The following EMILIN2 variants were observed in gnomAD, a reference collection of about 807,000 sequenced individuals.
EMILIN2 encodes elastin microfibril interfacer 2.
In EMILIN2, 71 loss-of-function variants were observed where a neutral mutation model predicts 87.1. The ratio of observed to expected loss-of-function variants is 0.82; its 90% CI spans 0.67 to 0.99. The LOEUF is 0.99. Among genes scored for constraint, EMILIN2 ranks in the 50% least tolerant of loss-of-function variants. The pLI is 0.00. For missense variants in EMILIN2, 1,407 were observed against 1,371.8 expected (o/e 1.03, Z -0.40); for synonymous variants, 581 against 563.4 (o/e 1.03, Z -0.44).
At position 2,906,894 on chromosome 18, in the gene EMILIN2, C is replaced by G; in HGVS notation, c.2471C>G (p.Pro824Arg). ...ACCGCAGAGGACCCTGGGCGACGGC[C>G]CGTCCTGCCCCAGCGGCCCCCCGAG... Reference protein sequence around the residue: ...PATAEDPGRRPVLPQRPPEER... With the variant: ...PATAEDPGRRRVLPQRPPEER... The change falls in exon 5 of 8, where the codon CCC (proline) becomes CGC (arginine). Residue 824 changes from proline (P) to arginine (R), a missense_variant. Physicochemically the swap from Pro to Arg is moderately radical, Grantham distance 103. Coordinates refer to ENST00000254528, the MANE Select transcript of EMILIN2 (RefSeq NM_032048.3). The G allele has an allele frequency of 7.2e-7, 1 of 1,388,636 alleles. No individual in the cohort carries two copies. Among genetic ancestry groups the G allele is most frequent in the Non-Finnish European group, 9.4e-7 (1 of 1,069,322 alleles). The allele number at this position is 1,388,636 out of a possible 1,614,324, so 86.0% of individuals were successfully genotyped here.
In EMILIN2 at chr18:2,891,364, GACCAGAA is replaced by G; in HGVS notation, c.1239_1245del (p.Asp413GlufsTer12). 2 of 1,614,194 alleles carry G rather than the reference GACCAGAA, an allele frequency of 1.2e-6. No individual in the cohort carries two copies. Among genetic ancestry groups the G allele is most frequent in the Non-Finnish European group, 1.7e-6 (2 of 1,180,046 alleles). ...CATTGGTCAACAGATCAAGACATTG[GACCAGAA>G]AATCGAGAGAGTTGCTGAAGCCACC... On this transcript the variant is annotated frameshift_variant, in exon 4 of 8. Coordinates refer to ENST00000254528, the MANE Select transcript of EMILIN2 (RefSeq NM_032048.3). LOFTEE classifies it high-confidence loss of function. The surrounding 1 kb of genome is among the most constrained non-coding windows in gnomAD (Gnocchi z 4.6).
intron 4 of EMILIN2, among the ~76,000 whole-genome samples, chr18:2,902,518 C>G (rs1347105533): frequency 6.6e-6 from 1 of 152,078 alleles, no homozygotes; most frequent in East Asian, 1.9e-4. Context: ...TGCCGTTTGT[C>G]TCAGTGAGGG....
intron 3 of EMILIN2, among the ~76,000 whole-genome samples, chr18:2,887,890 C>T (rs1185796900): frequency 1.3e-5 from 2 of 152,176 alleles, no homozygotes; most frequent in Non-Finnish European, 2.9e-5. Context: ...CAACCTTGGA[C>T]TCCTGGACTC....
chr18:2,876,569 A>G (rs2076749085), intron 2 of EMILIN2, among the ~76,000 whole-genome samples: 1 of 143,106 alleles, frequency 7.0e-6, no homozygotes, highest in South Asian at 2.8e-4. Flanking sequence ...GATCGAGACC[A>G]TCCTGGCTAA....
At chr18:2,877,771 C>A (rs542238738) in intron 2 of EMILIN2, among the ~76,000 whole-genome samples, 66 of 148,734 alleles carry the variant, frequency 4.4e-4, no homozygotes, top group African/African-American at 1.5e-3. Flanking sequence ...GACTGACATT[C>A]CATCTCAAAA....
At chr18:2,912,950 G>A in intron 7 of EMILIN2, 117 bp from the exon 8 acceptor site, 2 of 1,079,788 alleles carry the variant, frequency 1.9e-6, no homozygotes, top group East Asian at 2.5e-5. Flanking sequence ...AGCTACCATG[G>A]GAAGACAGAG....
intron 2 of EMILIN2, among the ~76,000 whole-genome samples, chr18:2,874,717 A>G (rs780224501): frequency 4.1e-4 from 62 of 152,262 alleles, no homozygotes; most frequent in African/African-American, 1.4e-3. Context: ...TTTTCCTTCC[A>G]TATGGTCATA....
Position 2,885,112 on chromosome 18 carries a change from C to T in EMILIN2, c.406C>T (p.Pro136Ser), listed in dbSNP as rs35201788. 3,239 of 1,609,258 alleles carry T rather than the reference C, an allele frequency of 2.0e-3. 70 individuals are homozygous for T. The African/African-American group carries it at 0.036, about 18-fold the overall frequency. The change falls in exon 3 of 8, where the codon CCT becomes TCT. Residue 136 changes from proline (P) to serine (S), a missense_variant. By Grantham distance (74) the Pro-to-Ser change is moderately conservative. Transcript: ENST00000254528. ...VKTLRPTPAR[P>S]RNSLKKATDN... ...GACCCTCCGCCCCACGCCGGCTCGG[C>T]CTCGAAACAGCTTGAAGAAAGCCAC... is the stretch of plus-strand genomic sequence containing the variant.
intron 2 of EMILIN2, among the ~76,000 whole-genome samples, chr18:2,868,722 C>T (rs536934817): frequency 1.2e-3 from 183 of 152,312 alleles, no homozygotes; most frequent in East Asian, 8.9e-3. Flanking sequence ...GGCAGGGAGG[C>T]TGCAGTGAGC....
intron 2 of EMILIN2, among the ~76,000 whole-genome samples, chr18:2,874,843 T>C (rs1346009713): frequency 6.6e-6 from 1 of 152,234 alleles, no homozygotes; most frequent in African/African-American, 2.4e-5. Context: ...ACTCTTAATG[T>C]CTCCAGATTT....
chr18:2,905,261 C>A (rs2076904596), intron 4 of EMILIN2, among the ~76,000 whole-genome samples: 1 of 118,876 alleles, frequency 8.4e-6, no homozygotes, highest in Admixed American at 1.2e-4. Flanking sequence ...GAAACTGCCT[C>A]TCTCAGGGTG....
At chr18:2,893,503 A>ATG (rs1269649548) in intron 4 of EMILIN2, among the ~76,000 whole-genome samples, 1 of 152,158 alleles carries the variant, frequency 6.6e-6, no homozygotes, top group African/African-American at 2.4e-5. Context: ...CACTCAACAA[A>ATG]TGTTTGTTGA....
In EMILIN2 at chr18:2,913,130, A is replaced by T; in HGVS notation, c.2888A>T (p.Asp963Val). The T allele has an allele frequency of 6.2e-7, 1 of 1,613,406 alleles. No homozygotes were observed. Among genetic ancestry groups the T allele is most frequent in the Non-Finnish European group, 8.5e-7 (1 of 1,179,934 alleles). Residue 963 changes from aspartate (D) to valine (V), a missense_variant, in exon 8 of 8, where the codon GAC becomes GTC. Coordinates refer to ENST00000254528, the MANE Select transcript of EMILIN2 (RefSeq NM_032048.3). ...LITATLTPER[D>V]AYVEAVLSVS... ...ACGGCCACCCTCACCCCCGAGAGAG[A>T]CGCCTACGTGGAAGCAGTGCTGTCG...
chr18:2,908,042 A>G (rs2076923067), intron 5 of EMILIN2, among the ~76,000 whole-genome samples: 2 of 152,350 alleles, frequency 1.3e-5, no homozygotes, highest in South Asian at 4.1e-4. Flanking sequence ...TGAGAAGACA[A>G]GGAGACATTT....
chr18:2,908,028 C>G (rs956410585), intron 5 of EMILIN2, among the ~76,000 whole-genome samples: 2 of 152,236 alleles, frequency 1.3e-5, no homozygotes, highest in African/African-American at 4.8e-5. Context: ...GGCTGGGTCA[C>G]TGCTGAGAAG....
upstream of EMILIN2, chr18:2,846,941 C>G (rs949360504): frequency 1.1e-5 from 11 of 995,272 alleles, no homozygotes; most frequent in Non-Finnish European, 1.3e-5. The surrounding 1 kb of genome is among the most constrained non-coding windows in gnomAD (Gnocchi z 5.3). Flanking sequence ...ATAAAGAGGG[C>G]GGCACCCGGG....
chr18:2,912,035 T>A (rs2076943494), intron 7 of EMILIN2, among the ~76,000 whole-genome samples: 1 of 88,480 alleles, frequency 1.1e-5, no homozygotes, highest in South Asian at 4.0e-4. Flanking sequence ...ACAACCACTT[T>A]TTTTTTTTTT....
chr18:2,885,332 A>G (rs1019696024), intron 3 of EMILIN2, among the ~76,000 whole-genome samples, 193 bp downstream of exon 3: 3 of 152,176 alleles, frequency 2.0e-5, no homozygotes, highest in Non-Finnish European at 4.4e-5. Flanking sequence ...CTTCCTTGCA[A>G]GTAAATTGCT....
intron 2 of EMILIN2, among the ~76,000 whole-genome samples, chr18:2,866,004 C>T (rs1057484566): frequency 2.0e-5 from 3 of 152,222 alleles, no homozygotes; most frequent in African/African-American, 7.2e-5. Flanking sequence ...TAGGACCTTC[C>T]GAGCCTGGTG....
Sources: gnomAD v4.1 joint callset for allele counts (sites outside exome capture counted in the v4.1 genomes callset) on GRCh38, gnomAD v4.1.1 for gene constraint, Gnocchi (gnomAD v3.1) non-coding constraint, MANE v1.5 for transcripts, NCBI Gene and HGNC (gene_info 2026-07-23, HGNC 2026-07-21) for gene names.